ZNF804A: variants seen among roughly 807,000 people sequenced by gnomAD.
The protein encoded by ZNF804A is zinc finger protein 804A.
ZNF804A carries 2 observed loss-of-function variants against 16.5 expected under a neutral mutation model. The observed-to-expected ratio is 0.12, with a 90% confidence interval of 0.05 to 0.38. ZNF804A has a LOEUF of 0.38. Among genes scored for constraint, ZNF804A ranks in the 10% least tolerant of loss-of-function variants. ZNF804A has a pLI of 0.99. For synonymous variants in ZNF804A, 534 were observed against 489.6 expected (o/e 1.09, Z -1.20); for missense variants, 1,473 against 1,390.7 (o/e 1.06, Z -0.94).
chr2:184,852,289 C>T (rs960656270), intron 1 of ZNF804A, among the ~76,000 whole-genome samples: 4 of 150,262 alleles, frequency 2.7e-5, no homozygotes, highest in Non-Finnish European at 3.0e-5. Flanking sequence ...GATTGTACTG[C>T]ATTCACCTAT....
intron 1 of ZNF804A, among the ~76,000 whole-genome samples, chr2:184,802,477 A>T (rs1292186853): frequency 1.3e-5 from 2 of 152,180 alleles, no homozygotes; most frequent in Non-Finnish European, 2.9e-5. Context: ...GAAGTTTCTC[A>T]CTCATGTTCT....
At chr2:184,887,552 G>A (rs1049903526) in intron 2 of ZNF804A, among the ~76,000 whole-genome samples, 1 of 152,220 alleles carries the variant, frequency 6.6e-6, no homozygotes, top group Non-Finnish European at 1.5e-5. Flanking sequence ...AAGAGGTTTA[G>A]TTGGACTTAC....
chr2:184,853,120 C>T (rs911515893), intron 1 of ZNF804A, among the ~76,000 whole-genome samples: 5 of 151,764 alleles, frequency 3.3e-5, no homozygotes, highest in Non-Finnish European at 7.4e-5. Flanking sequence ...TTTCTTTCAT[C>T]AGTGCTTTAA....
intron 1 of ZNF804A, among the ~76,000 whole-genome samples, chr2:184,861,123 G>T (rs1410464925): frequency 5.9e-5 from 9 of 152,184 alleles, no homozygotes. Context: ...TGCGGCTCTG[G>T]GGCCCTGCCC....
At chr2:184,907,828 T>C (rs187834804) in intron 2 of ZNF804A, among the ~76,000 whole-genome samples, 30 of 152,284 alleles carry the variant, frequency 2.0e-4, no homozygotes, top group Admixed American at 1.8e-3. Flanking sequence ...AACATTGTCA[T>C]GTTTTTTATT....
chr2:184,806,547 A>T (rs1050159157), intron 1 of ZNF804A, among the ~76,000 whole-genome samples: 6 of 151,890 alleles, frequency 4.0e-5, no homozygotes, highest in Admixed American at 1.3e-4. Flanking sequence ...TTCAAGCCAG[A>T]TAAAATAATA....
intron 1 of ZNF804A, among the ~76,000 whole-genome samples, chr2:184,758,854 A>T (rs1391591843): frequency 6.6e-6 from 1 of 151,974 alleles, no homozygotes; most frequent in African/African-American, 2.4e-5. Context: ...TAAATTTCAC[A>T]AAGTTAAAAA....
rs544363482 is a variant in ZNF804A at position 184,714,092 on chromosome 2, G to A, written c.111+115022G>A. ...GTATTTTAATGTTTTAACTTTAAATGCCTCTTATTAACTAGAATAATTTGT... is the reference window on the plus strand; with the variant it reads ...GTATTTTAATGTTTTAACTTTAAATACCTCTTATTAACTAGAATAATTTGT... On this transcript the variant is annotated intron_variant, in intron 1 of 3. Transcript: ENST00000302277. Among the ~76,000 whole-genome samples, 5 of 152,020 alleles carry A rather than the reference G, an allele frequency of 3.3e-5. No homozygotes were observed. The East Asian group carries it at 5.8e-4, about 18-fold the overall frequency.
At chr2:184,825,541 A>G (rs1293991653) in intron 1 of ZNF804A, among the ~76,000 whole-genome samples, 3 of 152,048 alleles carry the variant, frequency 2.0e-5, no homozygotes, top group African/African-American at 7.2e-5. Context: ...ACAGATTGAT[A>G]CCAGAGCTCT....
intron 1 of ZNF804A, among the ~76,000 whole-genome samples, chr2:184,829,899 CAAAAAAAAAAAA>C (rs1244566222): frequency 5.1e-5 from 2 of 38,894 alleles, no homozygotes; most frequent in African/African-American, 9.4e-5. Flanking sequence ...CTGTCTCTAC[CAAAAAAAAAAAA>C]AAAAAAAAAA....
At chr2:184,815,671 G>A (rs905461571) in intron 1 of ZNF804A, among the ~76,000 whole-genome samples, 2 of 151,766 alleles carry the variant, frequency 1.3e-5, no homozygotes, top group African/African-American at 2.4e-5. Flanking sequence ...ACTAATGTAC[G>A]GATTCATAGG....
intron 1 of ZNF804A, among the ~76,000 whole-genome samples, chr2:184,837,651 G>A (rs2105798515): frequency 1.3e-5 from 2 of 152,096 alleles, no homozygotes; most frequent in South Asian, 4.2e-4. Context: ...GTATAAATTT[G>A]AAAAACAAAC....
intron 1 of ZNF804A, among the ~76,000 whole-genome samples, chr2:184,770,429 G>C (rs1002468349): frequency 3.9e-5 from 6 of 152,024 alleles, no homozygotes; most frequent in Non-Finnish European, 8.8e-5. Flanking sequence ...TTCAGCATTA[G>C]TAGCCATATA....
At chr2:184,866,303 A>G in intron 1 of ZNF804A, 66 bp from the exon 2 acceptor site, 2 of 1,503,982 alleles carry the variant, frequency 1.3e-6, no homozygotes, top group South Asian at 2.3e-5. Context: ...ATAGTTGACA[A>G]CTGCTAAAAC....
chr2:184,724,666 A>G (rs769801308), intron 1 of ZNF804A, among the ~76,000 whole-genome samples: 1 of 151,700 alleles, frequency 6.6e-6, no homozygotes, highest in Non-Finnish European at 1.5e-5. Context: ...GTCTGATTCT[A>G]TAAGTATGAA....
At chr2:184,623,006 A>G (rs980846098) in intron 1 of ZNF804A, among the ~76,000 whole-genome samples, 1 of 152,090 alleles carries the variant, frequency 6.6e-6, no homozygotes, top group Admixed American at 6.6e-5. Context: ...TAGGTGGACA[A>G]GAAAGGCATT....
rs1160897881 is a variant in ZNF804A at position 184,864,457 on chromosome 2, A to G, written c.112-1912A>G. Among the ~76,000 whole-genome samples the G allele has an allele frequency of 4.6e-5, 7 of 152,302 alleles. No individual in the cohort carries two copies. In the East Asian group the frequency reaches 1.4e-3, roughly 29 times the overall value. The stretch of plus-strand genomic sequence containing the variant: ...GAGATTTAGAAGGGAAAATTATCCA[A>G]ACTGTAAGAGTCACCTTTGTTGTGC... On this transcript the variant is annotated intron_variant, in intron 1 of 3. Transcript: ENST00000302277.
intron 1 of ZNF804A, among the ~76,000 whole-genome samples, chr2:184,732,776 A>T (rs1159598729): frequency 1.3e-5 from 2 of 151,616 alleles, no homozygotes. Flanking sequence ...GTTTTGGGGG[A>T]TGTTAATGTC....
At chr2:184,628,760 G>T (rs1284848138) in intron 1 of ZNF804A, among the ~76,000 whole-genome samples, 1 of 151,660 alleles carries the variant, frequency 6.6e-6, no homozygotes, top group East Asian at 1.9e-4. Flanking sequence ...TTCTTTTTTT[G>T]TATACACCTA....
Sources: allele counts gnomAD v4.1 joint callset (sites outside exome capture counted in the v4.1 genomes callset), GRCh38; gene constraint gnomAD v4.1.1; transcripts MANE v1.5; gene names NCBI Gene and HGNC (gene_info 2026-07-23, HGNC 2026-07-21).